The following TMEM234 variants were observed in gnomAD, a reference collection of about 807,000 sequenced individuals.
TMEM234 encodes transmembrane protein 234, also known as chromosome 1 open reading frame 91.
Under a neutral mutation model 17.8 loss-of-function variants are expected in TMEM234, and 21 were observed. The ratio of observed to expected loss-of-function variants is 1.18; its 90% confidence interval spans 0.84 to 1.70. The LOEUF (loss-of-function observed/expected upper bound fraction) is 1.70, where lower values mean the gene tolerates loss of function less well. TMEM234 is among the 40% of genes most tolerant of loss of function. TMEM234 has a pLI of 0.00. For missense variants in TMEM234, 137 were observed against 166.9 expected (o/e 0.82, Z 0.99); for synonymous variants, 83 against 73.5 (o/e 1.13, Z -0.66).
In TMEM234 at chr1:32,216,678, A is replaced by G. The variant is rs1638414631; in HGVS notation, c.*175T>C. On this transcript the variant is annotated 3_prime_UTR_variant, in exon 5 of 5. Transcript: ENST00000309777. ...CAGCTGAACAGCACTTGAAGGTTAC[A>G]AAACTCTTTCACTCTTGTTCTCTTA... 6.7e-7 allele frequency: 1 copy of G among 1,495,792 alleles called. No homozygotes were observed. Among genetic ancestry groups the G allele is most frequent in the Admixed American group, 2.2e-5 (1 of 45,646 alleles). The allele number at this position is 1,495,792 out of a possible 1,614,324, so 92.7% of individuals were successfully genotyped here.
chr1:32,217,265 C>T lies in TMEM234; in HGVS notation c.322G>A (p.Gly108Arg). 6.2e-6 allele frequency: 10 copies of T among 1,614,184 alleles called. No homozygotes were observed. Among genetic ancestry groups the T allele is most frequent in the Non-Finnish European group, 8.5e-6 (10 of 1,180,036 alleles). Residue 108 changes from glycine (G) to arginine (R), a missense_variant, in exon 4 of 5, where the codon GGA (glycine) becomes AGA (arginine). Gly to Arg is a moderately radical substitution (Grantham distance 125). Transcript: ENST00000309777. ...TCGCAGTAGTCTAACTTACGTTTTC[C>T]ACCAATATCTTCTCCAAGGGCCTTC... Reference protein sequence around the residue: ...VGKALGEDIGGKRAVAGMVLT... With the variant: ...VGKALGEDIGRKRAVAGMVLT...
Position 32,216,248 on chromosome 1 carries a change from GA to G in TMEM234, c.*604del. The G allele has an allele frequency of 1.5e-6, 2 of 1,355,678 alleles. No individual in the cohort carries two copies. Among genetic ancestry groups the G allele is most frequent in the Non-Finnish European group, 2.0e-6 (2 of 1,013,868 alleles). 84.0% of individuals were successfully genotyped at this position (1,355,678 alleles called of 1,614,324 possible). A position where few individuals can be genotyped will look rare whatever the true frequency, so the allele number is the denominator to read the frequency against. ...CAGCTACTACTCGCCAGGTGTGCTG[GA>G]GTCAGGTGGGGCTGGGGCTCACAGC... On this transcript the variant is annotated 3_prime_UTR_variant, in exon 5 of 5. Transcript: ENST00000309777.
chr1:32,217,200 A>C lies in TMEM234; in HGVS notation c.328+59T>G, dbSNP rs773849203. On this transcript the variant is annotated intron_variant, in intron 4 of 4. Coordinates refer to ENST00000309777, the MANE Select transcript of TMEM234 (RefSeq NM_019118.5). ...GGGAGATGGGTTCTGGGAAGGAACT[A>C]ACACAGGTATGTCGAGATCCACAGA... is the stretch of plus-strand genomic sequence containing the variant. The C allele has an allele frequency of 1.9e-6, 3 of 1,614,110 alleles. No individual in the cohort carries two copies. The Admixed American group carries it at 5.0e-5, about 27-fold the overall frequency.
At chr1:32,218,828 C>T (rs1638642356) in intron 3 of TMEM234, among the ~76,000 whole-genome samples, 2 of 152,134 alleles carry the variant, frequency 1.3e-5, no homozygotes, top group East Asian at 3.9e-4. Context: ...GTCCCAGCTA[C>T]TTGGGAGGCC....
At chr1:32,217,459 C>G (rs184356761) in intron 3 of TMEM234, 108 bp from the exon 4 acceptor site, 107 of 1,559,144 alleles carry the variant, frequency 6.9e-5, no homozygotes, top group Admixed American at 4.4e-4. Flanking sequence ...TATCAAAACC[C>G]CATCTTCCAG....
In TMEM234 at chr1:32,216,267, C is replaced by G; in HGVS notation, c.*586G>C. On this transcript the variant is annotated 3_prime_UTR_variant, in exon 5 of 5. Transcript: ENST00000309777. ...GTGCTGGAGTCAGGTGGGGCTGGGGCTCACAGCTCTCTACCTGTTTAAGAG... is the reference window on the plus strand; with the variant it reads ...GTGCTGGAGTCAGGTGGGGCTGGGGGTCACAGCTCTCTACCTGTTTAAGAG... 6 of 1,456,204 alleles carry G rather than the reference C, an allele frequency of 4.1e-6. No individual in the cohort carries two copies. Among genetic ancestry groups the G allele is most frequent in the Non-Finnish European group, 3.6e-6 (4 of 1,096,664 alleles). The allele number at this position is 1,456,204 out of a possible 1,614,324, so 90.2% of individuals were successfully genotyped here.
At chr1:32,214,868 C>G (rs71646366), downstream of TMEM234, 1 of 1,613,988 alleles carries the variant, frequency 6.2e-7, no homozygotes, top group South Asian at 1.1e-5. Flanking sequence ...CATCTGCTTT[C>G]TATGCCAGAC....
chr1:32,215,101 G>T, downstream of TMEM234: 1 of 950,568 alleles, frequency 1.1e-6, no homozygotes, highest in Non-Finnish European at 1.5e-6. Context: ...TGGCTCAGGA[G>T]ACTGCCCGTA....
Position 32,221,207 on chromosome 1 carries a change from G to A in TMEM234, c.169-10C>T. 6.2e-7 allele frequency: 1 copy of A among 1,610,610 alleles called. No homozygotes were observed. ...GAAAGGGCATCAGGTACTGGAAAGA[G>A]GAGAAACCTGCAGTCAGTGTGATGG... On this transcript the variant is annotated splice_polypyrimidine_tract_variant and intron_variant, in intron 2 of 4. Coordinates refer to ENST00000309777, the MANE Select transcript of TMEM234 (RefSeq NM_019118.5).
chr1:32,221,720 G>A lies in TMEM234; in HGVS notation c.168+147C>T, dbSNP rs558379828. Reference sequence around the variant, plus strand: ...GTTATTATTATAATCGCCATTTACAGATGATGAAACTGAGGCTCAAGGACA... The same window carrying A: ...GTTATTATTATAATCGCCATTTACAAATGATGAAACTGAGGCTCAAGGACA... On this transcript the variant is annotated intron_variant, in intron 2 of 4. Transcript: ENST00000309777. The A allele has an allele frequency of 8.2e-6, 9 of 1,091,220 alleles. No individual in the cohort carries two copies. The East Asian group carries it at 1.7e-4, about 20-fold the overall frequency. The allele number at this position is 1,091,220 out of a possible 1,614,324, so 67.6% of individuals were successfully genotyped here.
chr1:32,221,452 C>T (rs1385050472), intron 2 of TMEM234, among the ~76,000 whole-genome samples: 1 of 152,130 alleles, frequency 6.6e-6, no homozygotes. Context: ...GTCAGCCCCT[C>T]CAGGAAGCCT....
At chr1:32,215,719 T>C, downstream of TMEM234, 1 of 1,236,294 alleles carries the variant, frequency 8.1e-7, no homozygotes, top group Non-Finnish European at 1.1e-6. Context: ...TCTTCCTTCC[T>C]TGGGGTTGGG....
At chr1:32,219,773 T>C (rs1217082811) in intron 3 of TMEM234, among the ~76,000 whole-genome samples, 3 of 152,126 alleles carry the variant, frequency 2.0e-5, no homozygotes, top group Non-Finnish European at 4.4e-5. Context: ...CACGGTGCAG[T>C]GGAAAGTGAG....
chr1:32,216,614 G>A lies in TMEM234; in HGVS notation c.*239C>T. 9 of 1,536,624 alleles carry A rather than the reference G, an allele frequency of 5.9e-6. No individual in the cohort carries two copies. The highest frequency in any genetic ancestry group is 7.9e-6 in the Non-Finnish European group (9 of 1,136,670). ...AGAGAGCTGCTGGGGCAGAAAGGTT[G>A]CTGAGGGTGAGCGTAGAGTCTCCTG... On this transcript the variant is annotated 3_prime_UTR_variant, in exon 5 of 5. Coordinates refer to ENST00000309777, the MANE Select transcript of TMEM234 (RefSeq NM_019118.5).
chr1:32,218,299 G>A (rs150534548), intron 3 of TMEM234, among the ~76,000 whole-genome samples: 74 of 151,786 alleles, frequency 4.9e-4, no homozygotes, highest in African/African-American at 1.5e-3. Flanking sequence ...AGTGGCGGAC[G>A]CCTGTAATCC....
intron 2 of TMEM234, 22 bp from the exon 3 acceptor site, chr1:32,221,219 A>C (rs1388937628): frequency 6.3e-7 from 1 of 1,598,706 alleles, no homozygotes; most frequent in Non-Finnish European, 8.6e-7. Flanking sequence ...AGAAACCTGC[A>C]GTCAGTGTGA....
At chr1:32,215,832 T>A, downstream of TMEM234, 2 of 1,553,086 alleles carry the variant, frequency 1.3e-6, no homozygotes, top group Non-Finnish European at 1.7e-6. Flanking sequence ...AGAGGCCTTG[T>A]CCCTGGAAAA....
downstream of TMEM234, chr1:32,215,761 T>C (rs1475491208): frequency 7.5e-6 from 11 of 1,466,352 alleles, no homozygotes; most frequent in Non-Finnish European, 1.0e-5. Flanking sequence ...AGGCTGGCCA[T>C]ACTCACGGCT....
Position 32,221,169 on chromosome 1 carries a change from C to T in TMEM234, c.197G>A (p.Cys66Tyr). Residue 66 changes from cysteine to tyrosine, a missense_variant, in exon 3 of 5, where the codon TGT becomes TAT. Cys to Tyr is a radical substitution (Grantham distance 194). Transcript: ENST00000309777. ...EYLMPFLLNQ[C>Y]GSLLYYLTLA... The stretch of plus-strand genomic sequence containing the variant: ...GGTGAGGTAATAGAGAAGGGATCCA[C>T]ACTGGTTGAGGAGAAAGGGCATCAG... 1 of 1,613,754 alleles carries T rather than the reference C, an allele frequency of 6.2e-7. No homozygotes were observed. Among genetic ancestry groups the T allele is most frequent in the African/African-American group, 1.3e-5 (1 of 75,036 alleles).
Sources: gnomAD v4.1 joint callset for allele counts (sites outside exome capture counted in the v4.1 genomes callset) on GRCh38, gnomAD v4.1.1 for gene constraint, MANE v1.5 for transcripts, NCBI Gene and HGNC (gene_info 2026-07-23, HGNC 2026-07-21) for gene names.